SNTG1: variants seen among roughly 807,000 people sequenced by gnomAD.
SNTG1 encodes the protein syntrophin gamma 1, also known as gamma-1-syntrophin.
A neutral mutation model predicts 74.7 loss-of-function variants in SNTG1; 39 were observed. That is an observed-to-expected ratio of 0.52 (90% CI 0.40 to 0.68). SNTG1 has a LOEUF of 0.68. SNTG1 is among the 30% of genes least tolerant of loss of function. The probability of loss-of-function intolerance (pLI) is 0.00; values close to 1 mark genes in which losing one functional copy is unlikely to be tolerated. For missense variants in SNTG1, 685 were observed against 609.5 expected, an observed-to-expected ratio of 1.12 and a Z score of -1.30; for synonymous variants, 254 against 217.1, an observed-to-expected ratio of 1.17 and a Z score of -1.49.
chr8:49,955,199 T>A (rs1183070867), intron 1 of SNTG1, among the ~76,000 whole-genome samples: 2 of 152,254 alleles, frequency 1.3e-5, no homozygotes, highest in African/African-American at 4.8e-5. Context: ...CAATATACAT[T>A]CAGTTATCTC....
intron 1 of SNTG1, among the ~76,000 whole-genome samples, chr8:50,064,955 T>C (rs557071283): frequency 6.6e-6 from 1 of 152,294 alleles, no homozygotes; most frequent in Admixed American, 6.5e-5. Context: ...CACTGGCATG[T>C]TAAAATATGG....
intron 11 of SNTG1, among the ~76,000 whole-genome samples, chr8:50,544,410 C>A (rs1274176275): frequency 6.6e-6 from 1 of 151,958 alleles, no homozygotes; most frequent in African/African-American, 2.4e-5. Context: ...TATTTTTAAT[C>A]TTTCTTCTCA....
intron 5 of SNTG1, among the ~76,000 whole-genome samples, chr8:50,442,119 C>T (rs2093363254): frequency 6.6e-6 from 1 of 152,222 alleles, no homozygotes; most frequent in Admixed American, 6.5e-5. Flanking sequence ...GCATCCCCAT[C>T]TCCCAGTTTT....
rs140310897 is a variant in SNTG1 at position 50,567,162 on chromosome 8, A to T, written c.810+13983A>T. On this transcript the variant is annotated intron_variant, in intron 12 of 18. Transcript: ENST00000642720. ...GAAATAAAATTGTGGCATCTTAAGC[A>T]GCTATGATCTTTGCCAAGTGATACA... 2.0e-3 allele frequency among the ~76,000 whole-genome samples: 297 copies of T among 152,222 alleles called. 4 individuals carry two copies. Among genetic ancestry groups the T allele is most frequent in the African/African-American group, 6.8e-3 (281 of 41,580 alleles).
At chr8:50,141,604 C>T (rs574267669) in intron 1 of SNTG1, among the ~76,000 whole-genome samples, 1 of 152,208 alleles carries the variant, frequency 6.6e-6, no homozygotes, top group South Asian at 2.1e-4. Flanking sequence ...TTTTGAGTAT[C>T]TGAAACACAT....
chr8:50,683,225 T>A (rs1585516442), intron 15 of SNTG1, among the ~76,000 whole-genome samples: 1 of 152,148 alleles, frequency 6.6e-6, no homozygotes, highest in African/African-American at 2.4e-5. Flanking sequence ...AATAAAACAC[T>A]TTCTGAAATA....
At chr8:50,115,318 G>C (rs182154732) in intron 1 of SNTG1, among the ~76,000 whole-genome samples, 209 of 152,052 alleles carry the variant, frequency 1.4e-3, no homozygotes, top group African/African-American at 4.8e-3. Flanking sequence ...TGTAATCCCA[G>C]CACTTTGGGA....
intron 2 of SNTG1, among the ~76,000 whole-genome samples, chr8:50,249,250 G>A (rs1242264809): frequency 2.0e-5 from 3 of 152,106 alleles, no homozygotes; most frequent in Non-Finnish European, 4.4e-5. Flanking sequence ...CCATCCCCAG[G>A]GCAGGAGTCC....
Position 50,794,134 on chromosome 8 carries a change from A to AG in SNTG1, c.*1305_*1306insG, listed in dbSNP as rs2095698976. On this transcript the variant is annotated 3_prime_UTR_variant, in exon 19 of 19. Coordinates refer to ENST00000642720, the MANE Select transcript of SNTG1 (RefSeq NM_018967.5). Reference sequence around the variant, plus strand: ...GCTGTGTATGTAAAAAAAAAAAAAAATTTTTATTGATACACATGCTCCCAG... The same window carrying AG: ...GCTGTGTATGTAAAAAAAAAAAAAAAGTTTTTATTGATACACATGCTCCCAG... 6.6e-6 allele frequency: 1 copy of AG among 150,962 alleles called. No homozygotes were observed. Among genetic ancestry groups the AG allele is most frequent in the Non-Finnish European group, 1.5e-5 (1 of 67,586 alleles). 9.4% of individuals were successfully genotyped at this position (150,962 alleles called of 1,614,324 possible).
At chr8:50,070,438 C>T (rs1344599751) in intron 1 of SNTG1, among the ~76,000 whole-genome samples, 1 of 152,110 alleles carries the variant, frequency 6.6e-6, no homozygotes, top group Non-Finnish European at 1.5e-5. Context: ...TGAACAGATG[C>T]AATCATAAAT....
intron 17 of SNTG1, among the ~76,000 whole-genome samples, chr8:50,729,994 G>C (rs1039619025): frequency 6.6e-6 from 1 of 152,064 alleles, no homozygotes; most frequent in Non-Finnish European, 1.5e-5. Context: ...GGAGCACCCC[G>C]TATTCACTAC....
At chr8:50,248,626 G>A (rs763170605) in intron 2 of SNTG1, among the ~76,000 whole-genome samples, 80 of 152,194 alleles carry the variant, frequency 5.3e-4, no homozygotes, top group Middle Eastern at 3.4e-3. Context: ...TATGCTCTTT[G>A]AAATGAGTAA....
chr8:50,281,308 C>T (rs2088438183), intron 2 of SNTG1, among the ~76,000 whole-genome samples: 2 of 152,150 alleles, frequency 1.3e-5, no homozygotes, highest in South Asian at 4.1e-4. Context: ...GTCTAACCCT[C>T]ACTTCCCATC....
intron 15 of SNTG1, among the ~76,000 whole-genome samples, chr8:50,686,054 GT>G (rs1427263925): frequency 1.3e-5 from 2 of 151,960 alleles, no homozygotes; most frequent in East Asian, 3.8e-4. Context: ...TTCAATTATG[GT>G]AAATGTTACA....
chr8:50,304,121 G>C (rs1300408643), intron 2 of SNTG1, among the ~76,000 whole-genome samples: 1 of 152,180 alleles, frequency 6.6e-6, no homozygotes, highest in African/African-American at 2.4e-5. Flanking sequence ...CCTGAGGGTT[G>C]TGCCCTCATG....
At chr8:50,114,087 T>A (rs899328891) in intron 1 of SNTG1, among the ~76,000 whole-genome samples, 1 of 152,106 alleles carries the variant, frequency 6.6e-6, no homozygotes. Flanking sequence ...ATATTCGACA[T>A]AATAACTAAC....
At chr8:50,507,997 C>T (rs2094024230) in intron 9 of SNTG1, among the ~76,000 whole-genome samples, 1 of 151,826 alleles carries the variant, frequency 6.6e-6, no homozygotes, top group Admixed American at 6.6e-5. Flanking sequence ...ATACATGTGC[C>T]ATGTTGGTAT....
At chr8:49,933,025 T>C (rs1013958518) in intron 1 of SNTG1, among the ~76,000 whole-genome samples, 8 of 152,198 alleles carry the variant, frequency 5.3e-5, no homozygotes, top group East Asian at 1.9e-4. Flanking sequence ...ATTTATTACT[T>C]GGTGAACATT....
chr8:50,708,732 T>A, intron 16 of SNTG1, 154 bp from the exon 17 acceptor site: 1 of 579,850 alleles, frequency 1.7e-6, no homozygotes, highest in Non-Finnish European at 3.0e-6. Context: ...TCATTAACAT[T>A]AAAATGTTGA....
Sources: gnomAD v4.1 joint callset for allele counts (sites outside exome capture counted in the v4.1 genomes callset) on GRCh38, gnomAD v4.1.1 for gene constraint, MANE v1.5 for transcripts, NCBI Gene and HGNC (gene_info 2026-07-23, HGNC 2026-07-21) for gene names.